PCDHA5: variants seen among roughly 807,000 people sequenced by gnomAD.
PCDHA5 encodes protocadherin alpha 5.
In PCDHA5, 43 loss-of-function variants were observed where a neutral mutation model predicts 61.6. The ratio of observed to expected loss-of-function variants is 0.70; its 90% CI spans 0.55 to 0.90. PCDHA5 has a LOEUF of 0.90. PCDHA5 is among the 40% of genes least tolerant of loss of function. The pLI, the probability that PCDHA5 is intolerant of heterozygous loss-of-function variation, is 0.00. For synonymous variants in PCDHA5, 627 were observed against 543.9 expected (o/e 1.15, Z -2.13); for missense variants, 1,298 against 1,222.7 (o/e 1.06, Z -0.92).
At chr5:141,008,582 G>A (rs1554261823) in intron 3 of PCDHA5, among the ~76,000 whole-genome samples, 1 of 152,130 alleles carries the variant, frequency 6.6e-6, no homozygotes. Context: ...CCAAGACTCA[G>A]GGCAGATTTC....
intron 2 of PCDHA5, 176 bp downstream of exon 2, chr5:140,979,183 G>C (rs2096838721): frequency 1.1e-6 from 1 of 925,482 alleles, no homozygotes; most frequent in Admixed American, 6.2e-5. Context: ...CAAATGGTCA[G>C]TGCCAGATGC....
At chr5:140,824,626 T>TTTTTTTG (rs1768277124) in intron 1 of PCDHA5, 1 of 133,454 alleles carries the variant, frequency 7.5e-6, no homozygotes, top group Non-Finnish European at 1.5e-5. Flanking sequence ...TTTTTTTTTT[T>TTTTTTTG]TTTTTTATTT....
intron 1 of PCDHA5, chr5:140,969,383 C>T: frequency 6.3e-6 from 10 of 1,597,986 alleles, no homozygotes; most frequent in African/African-American, 1.3e-5. Context: ...TGTTACACAT[C>T]CCCCAATATC....
At chr5:140,897,656 C>T (rs2153457504) in intron 1 of PCDHA5, among the ~76,000 whole-genome samples, 1 of 152,200 alleles carries the variant, frequency 6.6e-6, no homozygotes, top group Non-Finnish European at 1.5e-5. Flanking sequence ...CATACGTGTG[C>T]ATGTGTCTTT....
chr5:140,934,858 CTT>C (rs1462067711), intron 1 of PCDHA5, among the ~76,000 whole-genome samples: 1 of 152,136 alleles, frequency 6.6e-6, no homozygotes, highest in African/African-American at 2.4e-5. Flanking sequence ...GCTCCTGAGT[CTT>C]TGTGAGTGTG....
Position 140,967,394 on chromosome 5 carries a change from G to C in PCDHA5, c.2353-11555G>C, listed in dbSNP as rs1379450273. On this transcript the variant is annotated intron_variant, in intron 1 of 3. Coordinates refer to ENST00000529859, the MANE Select transcript of PCDHA5 (RefSeq NM_018908.3). ...GGAGAACAGTAAAGTGCTTGAGCTGGTGCTGCGTAAGGGCCTAGACCGGGA... is the reference window on the plus strand; with the variant it reads ...GGAGAACAGTAAAGTGCTTGAGCTGCTGCTGCGTAAGGGCCTAGACCGGGA... 4 of 1,609,940 alleles carry C rather than the reference G, an allele frequency of 2.5e-6. No homozygotes were observed. In the African/African-American group the frequency reaches 4.0e-5, roughly 16 times the overall value.
At position 141,010,146 on chromosome 5, in the gene PCDHA5, C is replaced by A. The variant is rs782795358; in HGVS notation, c.*209C>A. 1 of 1,584,410 alleles carries A rather than the reference C, an allele frequency of 6.3e-7. No individual in the cohort carries two copies. Among genetic ancestry groups the A allele is most frequent in the Non-Finnish European group, 8.6e-7 (1 of 1,164,258 alleles). The stretch of plus-strand genomic sequence containing the variant: ...TAAGTCTGGTGTTAACTCTTTCTCT[C>A]CACTCTGGCTTGTTTTCAGAACCTA... On this transcript the variant is annotated 3_prime_UTR_variant, in exon 4 of 4. Transcript: ENST00000529859.
At chr5:140,916,647 C>T (rs2077666767) in intron 1 of PCDHA5, among the ~76,000 whole-genome samples, 1 of 152,180 alleles carries the variant, frequency 6.6e-6, no homozygotes, top group African/African-American at 2.4e-5. Context: ...TGTGGCTGAG[C>T]TGGTATCCAA....
intron 1 of PCDHA5, chr5:140,870,983 C>A: frequency 6.2e-7 from 1 of 1,613,520 alleles, no homozygotes; most frequent in South Asian, 1.1e-5. Context: ...GGGCTGTACA[C>A]GGGCGAGATA....
chr5:140,938,118 T>G (rs1554211986), intron 1 of PCDHA5, among the ~76,000 whole-genome samples: 1 of 152,178 alleles, frequency 6.6e-6, no homozygotes. Context: ...TCTCTCTTTT[T>G]TTAAAAAAAT....
chr5:140,964,785 C>G (rs890090665), intron 1 of PCDHA5, among the ~76,000 whole-genome samples: 40 of 151,526 alleles, frequency 2.6e-4, no homozygotes, highest in African/African-American at 9.7e-4. Context: ...GAGGAAGAAG[C>G]CAGAGACCCA....
At chr5:140,836,078 G>C (rs1179241173) in intron 1 of PCDHA5, 4 of 1,613,554 alleles carry the variant, frequency 2.5e-6, no homozygotes, top group Non-Finnish European at 3.4e-6. Context: ...CGCCGGCACT[G>C]CTGGCGCCTC....
intron 1 of PCDHA5, among the ~76,000 whole-genome samples, chr5:140,951,465 C>G (rs1304466995): frequency 1.3e-5 from 2 of 151,966 alleles, no homozygotes; most frequent in Non-Finnish European, 2.9e-5. Context: ...TGCTTGGCTT[C>G]TGGGGAGCCT....
At chr5:140,985,739 C>CTTTTTT (rs11372071) in intron 3 of PCDHA5, among the ~76,000 whole-genome samples, 3 of 117,922 alleles carry the variant, frequency 2.5e-5, no homozygotes, top group Non-Finnish European at 1.7e-5. Context: ...TGATGAATTC[C>CTTTTTT]TTTTTTTTTT....
chr5:140,920,612 G>A (rs1389841013), intron 1 of PCDHA5, among the ~76,000 whole-genome samples: 3 of 152,092 alleles, frequency 2.0e-5, no homozygotes, highest in Non-Finnish European at 2.9e-5. Flanking sequence ...TTGGGAGGCC[G>A]AGGCGGATGG....
At chr5:140,860,155 ATATATATATG>A (rs1439486095) in intron 1 of PCDHA5, 1 of 149,648 alleles carries the variant, frequency 6.7e-6, no homozygotes, top group Non-Finnish European at 1.5e-5. Flanking sequence ...ATATATGTGT[ATATATATATG>A]TATATATATA....
chr5:140,979,303 C>T (rs1048294748), intron 2 of PCDHA5, among the ~76,000 whole-genome samples: 5 of 152,148 alleles, frequency 3.3e-5, no homozygotes, highest in East Asian at 3.8e-4. Context: ...CTCCTTCATC[C>T]CTCTCTACCT....
At chr5:140,993,137 A>G (rs1336525759) in intron 3 of PCDHA5, among the ~76,000 whole-genome samples, 12 of 152,212 alleles carry the variant, frequency 7.9e-5, no homozygotes, top group African/African-American at 2.7e-4. Flanking sequence ...CTGTTGCAAC[A>G]AGTATAAATG....
At chr5:140,829,846 G>T in intron 1 of PCDHA5, 1 of 1,613,940 alleles carries the variant, frequency 6.2e-7, no homozygotes, top group Non-Finnish European at 8.5e-7. Flanking sequence ...CGCGGTCACT[G>T]GGTGCAGGCC....
Sources: gnomAD v4.1 joint callset for allele counts (sites outside exome capture counted in the v4.1 genomes callset) on GRCh38, gnomAD v4.1.1 for gene constraint, MANE v1.5 for transcripts, NCBI Gene and HGNC (gene_info 2026-07-23, HGNC 2026-07-21) for gene names.